ADAMTS15: variants seen among roughly 807,000 people sequenced by gnomAD.
ADAMTS15 encodes A disintegrin and metalloproteinase with thrombospondin motifs 15.
Under a neutral mutation model 79.1 loss-of-function variants are expected in ADAMTS15, and 35 were observed. The observed-to-expected ratio is 0.44, with a 90% CI of 0.34 to 0.59. ADAMTS15 has a LOEUF of 0.59. ADAMTS15 is among the 20% of genes least tolerant of loss of function. The probability of loss-of-function intolerance (pLI) is 0.02; values close to 1 mark genes in which losing one functional copy is unlikely to be tolerated. For missense variants in ADAMTS15, 1,324 were observed against 1,318.7 expected, an observed-to-expected ratio of 1.00 and a Z score of -0.06; for synonymous variants, 616 against 567.3, an observed-to-expected ratio of 1.09 and a Z score of -1.22.
rs1369054225 is a variant in ADAMTS15, at chr11:130,449,630, C to G, written c.657C>G (p.Tyr219Ter). ...AGCGTTTCGTGTCTATCCCGCGGTA[C>G]GTGGAGACGCTGGTGGTCGCGGACG... ...RAKRFVSIPR[Y>*]VETLVVADES... The change falls in exon 1 of 8, where the codon TAC becomes TAG. Residue 219 changes from tyrosine (Y) to a stop codon, truncating the protein, a stop_gained. Transcript: ENST00000299164. LOFTEE classifies it high-confidence loss of function. This position sits in a 1 kb window ranked among gnomAD's most constrained non-coding sequence, Gnocchi z 7.8. The G allele has an allele frequency of 6.2e-7, 1 of 1,603,520 alleles. No homozygotes were observed. Among genetic ancestry groups the G allele is most frequent in the Non-Finnish European group, 8.5e-7 (1 of 1,175,502 alleles).
chr11:130,460,736 C>T (rs1032922069), intron 1 of ADAMTS15, among the ~76,000 whole-genome samples: 1 of 152,212 alleles, frequency 6.6e-6, no homozygotes, highest in African/African-American at 2.4e-5. Flanking sequence ...TTTCTGCGTC[C>T]CCTGGGAATA....
At chr11:130,467,360 CAG>C (rs1363806385) in intron 4 of ADAMTS15, among the ~76,000 whole-genome samples, 1 of 152,026 alleles carries the variant, frequency 6.6e-6, no homozygotes, top group African/African-American at 2.4e-5. Flanking sequence ...GTGACGCTGT[CAG>C]GGAGTGAAAG....
In ADAMTS15 at chr11:130,473,408, G is replaced by A. The variant is rs777670429; in HGVS notation, c.2440G>A (p.Asp814Asn). Residue 814 changes from aspartate (D) to asparagine (N), a missense_variant, in exon 8 of 8, where the codon GAC (aspartate) becomes AAC (asparagine). Transcript: ENST00000299164. ...GGAGGACAAGTCCTCTCATCCCAAG[G>A]ACCCCCGGGGACCCTCTGTCTTGCA... Reference protein sequence around the residue: ...PREDKSSHPKDPRGPSVLHNS... With the variant: ...PREDKSSHPKNPRGPSVLHNS... 1.9e-6 allele frequency: 3 copies of A among 1,612,774 alleles called. No individual in the cohort carries two copies. Among genetic ancestry groups the A allele is most frequent in the Middle Eastern group, 1.6e-4 (1 of 6,062 alleles).
intron 1 of ADAMTS15, among the ~76,000 whole-genome samples, chr11:130,458,808 C>T (rs11222107): frequency 0.13 from 20,530 of 152,164 alleles, 1,485 homozygotes; most frequent in African/African-American, 0.16. Context: ...TGCCTGCCCC[C>T]GCAGGCTGCA....
Position 130,449,583 on chromosome 11 carries a change from C to A in ADAMTS15, c.610C>A (p.Arg204=). The change falls in exon 1 of 8, where the codon CGG becomes AGG. Residue 204 remains arginine (R), a synonymous_variant. Coordinates refer to ENST00000299164, the MANE Select transcript of ADAMTS15 (RefSeq NM_139055.4). The surrounding 1 kb of genome is among the most constrained non-coding windows in gnomAD (Gnocchi z 7.8). ...GGCGGGCTTCGGGGAGAGTCGTAGC[C>A]GGCGCAGGTCTGGGCGCGCCAAGCG... ...RRAGFGESRS[R]RRSGRAKRFV... 6.9e-6 allele frequency: 11 copies of A among 1,598,242 alleles called. No individual in the cohort carries two copies. The highest frequency in any genetic ancestry group is 9.4e-6 in the Non-Finnish European group (11 of 1,171,998).
chr11:130,468,632 G>A (rs941449281), intron 4 of ADAMTS15, among the ~76,000 whole-genome samples: 1 of 151,824 alleles, frequency 6.6e-6, no homozygotes, highest in African/African-American at 2.4e-5. Context: ...GGGCGTGGTG[G>A]CGGGCGCCTG....
rs140449986 is a variant in ADAMTS15 at position 130,471,712 on chromosome 11, A to T, written c.2078+329A>T. On this transcript the variant is annotated intron_variant, in intron 7 of 7. Coordinates refer to ENST00000299164, the MANE Select transcript of ADAMTS15 (RefSeq NM_139055.4). ...GACCGACCTGATTCAGATCGCAGTT[A>T]CCCATTTTCTGGATGACCTTGGGCA... 3.2e-4 allele frequency among the ~76,000 whole-genome samples: 48 copies of T among 152,276 alleles called. No homozygotes were observed. In the East Asian group the frequency reaches 8.1e-3, roughly 26 times the overall value.
Position 130,449,304 on chromosome 11 carries a change from C to T in ADAMTS15, c.331C>T (p.Pro111Ser). ...CTATTCTGGGGACGTGAACGCCGAG[C>T]CGGACTCGTTCGCTGCTGTGAGCCT... Reference protein sequence around the residue: ...CFYSGDVNAEPDSFAAVSLCG... With the variant: ...CFYSGDVNAESDSFAAVSLCG... Residue 111 changes from proline to serine, a missense_variant, in exon 1 of 8, where the codon CCG (proline) becomes TCG (serine). Physicochemically the swap from Pro to Ser is moderately conservative, Grantham distance 74. Transcript: ENST00000299164. The surrounding 1 kb of genome is among the most constrained non-coding windows in gnomAD (Gnocchi z 7.8). The T allele has an allele frequency of 6.2e-7, 1 of 1,611,086 alleles. No homozygotes were observed.
Position 130,449,681 on chromosome 11 carries a change from G to T in ADAMTS15, c.708G>T (p.Ala236=). Residue 236 remains alanine (A), a synonymous_variant, in exon 1 of 8, where the codon GCG becomes GCT. Coordinates refer to ENST00000299164, the MANE Select transcript of ADAMTS15 (RefSeq NM_139055.4). The surrounding 1 kb of genome is among the most constrained non-coding windows in gnomAD (Gnocchi z 7.8). Reference sequence around the variant, plus strand: ...AGTCAATGGTCAAGTTCCACGGCGCGGACCTGGAACATTATCTGCTGACGC... The same window carrying T: ...AGTCAATGGTCAAGTTCCACGGCGCTGACCTGGAACATTATCTGCTGACGC... ...ADESMVKFHG[A]DLEHYLLTLL... 1 of 1,604,132 alleles carries T rather than the reference G, an allele frequency of 6.2e-7. No individual in the cohort carries two copies. The highest frequency in any genetic ancestry group is 8.5e-7 in the Non-Finnish European group (1 of 1,175,480).
intron 4 of ADAMTS15, among the ~76,000 whole-genome samples, chr11:130,464,663 C>A (rs1938266358): frequency 6.6e-6 from 1 of 152,158 alleles, no homozygotes; most frequent in Non-Finnish European, 1.5e-5. Flanking sequence ...GCTCACTGGT[C>A]TCAGTTTAAA....
At chr11:130,460,977 G>A (rs959887281) in intron 1 of ADAMTS15, among the ~76,000 whole-genome samples, 9 of 152,210 alleles carry the variant, frequency 5.9e-5, no homozygotes, top group Non-Finnish European at 1.0e-4. Flanking sequence ...ACTGGCATGG[G>A]TGGGTCCTTG....
intron 7 of ADAMTS15, 102 bp downstream of exon 7, chr11:130,471,485 C>G: frequency 1.5e-6 from 2 of 1,358,024 alleles, no homozygotes; most frequent in South Asian, 1.5e-5. Flanking sequence ...AATGTCAGAT[C>G]CAGCCAGTAC....
At chr11:130,471,430 G>A in intron 7 of ADAMTS15, 47 bp downstream of exon 7, 1 of 1,577,994 alleles carries the variant, frequency 6.3e-7, no homozygotes, top group Non-Finnish European at 8.5e-7. Flanking sequence ...AAGGGAGGGA[G>A]GTGGAGTTTC....
rs150283574 is a variant in ADAMTS15 at position 130,449,021 on chromosome 11, T to C, written c.48T>C (p.Ala16=). Residue 16 remains alanine, a synonymous_variant, in exon 1 of 8, where the codon GCT becomes GCC. Coordinates refer to ENST00000299164, the MANE Select transcript of ADAMTS15 (RefSeq NM_139055.4). The surrounding 1 kb of genome is among the most constrained non-coding windows in gnomAD (Gnocchi z 7.8). ...CCCTGGCTTTCGCCGGGCGAACCGC[T>C]GGAGGCTCTGAGCCAGAGCGGGAGG... ...ILTLAFAGRT[A]GGSEPEREVV... The C allele has an allele frequency of 3.9e-3, 5,863 of 1,517,170 alleles. 19 individuals are homozygous for C. Among genetic ancestry groups the C allele is most frequent in the Middle Eastern group, 4.8e-3 (27 of 5,610 alleles). 94.0% of individuals were successfully genotyped at this position (1,517,170 alleles called of 1,614,324 possible).
chr11:130,464,078 G>A (rs531517008), intron 4 of ADAMTS15, among the ~76,000 whole-genome samples: 2 of 152,122 alleles, frequency 1.3e-5, no homozygotes, highest in Admixed American at 1.3e-4. Flanking sequence ...TGTAGATGAG[G>A]GCTCTATGGG....
At chr11:130,451,288 C>T (rs905824686) in intron 1 of ADAMTS15, among the ~76,000 whole-genome samples, 1 of 152,176 alleles carries the variant, frequency 6.6e-6, no homozygotes, top group African/African-American at 2.4e-5. Flanking sequence ...GTTGGACTGG[C>T]GCACACAGTC....
chr11:130,454,571 G>C (rs1938035466), intron 1 of ADAMTS15, among the ~76,000 whole-genome samples: 1 of 152,196 alleles, frequency 6.6e-6, no homozygotes, highest in African/African-American at 2.4e-5. Flanking sequence ...CTTTCTTGAA[G>C]TCGGGCCTTG....
intron 1 of ADAMTS15, chr11:130,450,261 G>A: frequency 1.0e-6 from 1 of 985,486 alleles, no homozygotes; most frequent in African/African-American, 1.7e-5. Context: ...GTCCAAGACC[G>A]ATAGGAGACG....
At chr11:130,459,154 T>G (rs1478246675) in intron 1 of ADAMTS15, among the ~76,000 whole-genome samples, 1 of 146,570 alleles carries the variant, frequency 6.8e-6, no homozygotes, top group African/African-American at 2.6e-5. Context: ...TACCTCAGCC[T>G]CCTCCTACCA....
Sources: allele counts gnomAD v4.1 joint callset (sites outside exome capture counted in the v4.1 genomes callset), GRCh38; gene constraint gnomAD v4.1.1; non-coding constraint Gnocchi (gnomAD v3.1); transcripts MANE v1.5; gene names NCBI Gene and HGNC (gene_info 2026-07-23, HGNC 2026-07-21).